The following UGT1A6 variants were observed in gnomAD, a reference collection of about 807,000 sequenced individuals.
The protein encoded by UGT1A6 is UDP-glucuronosyltransferase 1A6.
A neutral mutation model predicts 44.4 loss-of-function variants in UGT1A6; 32 were observed. The ratio of observed to expected loss-of-function variants is 0.72; its 90% confidence interval spans 0.54 to 0.97. The LOEUF (loss-of-function observed/expected upper bound fraction) is 0.97. Ranked by LOEUF, UGT1A6 falls within the 50% of genes least tolerant of loss-of-function variation. UGT1A6 has a pLI of 0.00. For missense variants in UGT1A6, 685 were observed against 661.9 expected (o/e 1.03, Z -0.38); for synonymous variants, 238 against 248.5 (o/e 0.96, Z 0.40).
At chr2:233,724,972 G>A (rs897028674) in intron 1 of UGT1A6, among the ~76,000 whole-genome samples, 4 of 135,404 alleles carry the variant, frequency 3.0e-5, no homozygotes, top group South Asian at 2.5e-4. Context: ...CGAGGTTGGC[G>A]GATCACTCGC....
At chr2:233,753,907 C>G (rs1487385981) in intron 1 of UGT1A6, among the ~76,000 whole-genome samples, 1 of 152,188 alleles carries the variant, frequency 6.6e-6, no homozygotes, top group South Asian at 2.1e-4. Context: ...GCTTCTTACA[C>G]CGATTTCAGC....
chr2:233,745,888 G>A (rs1423875334), intron 1 of UGT1A6, among the ~76,000 whole-genome samples: 1 of 151,512 alleles, frequency 6.6e-6, no homozygotes, highest in African/African-American at 2.4e-5. Flanking sequence ...TGTTGGTGGG[G>A]TGGCGTTTTT....
In UGT1A6 at chr2:233,693,531, G is replaced by C; in HGVS notation, c.527G>C (p.Cys176Ser). The C allele has an allele frequency of 6.2e-7, 1 of 1,614,154 alleles. No individual in the cohort carries two copies. Among genetic ancestry groups the C allele is most frequent in the Admixed American group, 1.7e-5 (1 of 60,020 alleles). Residue 176 changes from cysteine to serine, a missense_variant, in exon 1 of 5, where the codon TGT (cysteine) becomes TCT (serine). Cys to Ser is a moderately radical substitution (Grantham distance 112, BLOSUM62 -1). Transcript: ENST00000305139. ...GTGTACCTCTTCAGGGGTTTTCCGTGTTCCCTGGAGCATACATTCAGCAGA... is the reference window on the plus strand; with the variant it reads ...GTGTACCTCTTCAGGGGTTTTCCGTCTTCCCTGGAGCATACATTCAGCAGA... The part of the protein sequence containing the change: ...PSVYLFRGFP[C>S]SLEHTFSRSP...
chr2:233,756,609 A>G (rs1242342387), intron 1 of UGT1A6, among the ~76,000 whole-genome samples: 4 of 152,200 alleles, frequency 2.6e-5, no homozygotes, highest in Admixed American at 2.0e-4. Flanking sequence ...CGAAACCATT[A>G]AGACTTGCAG....
chr2:233,693,908 G>A (rs1417524727), intron 1 of UGT1A6, 43 bp downstream of exon 1: 7 of 1,612,836 alleles, frequency 4.3e-6, no homozygotes, highest in Middle Eastern at 1.7e-4. Flanking sequence ...TTTCTTCCAG[G>A]CTCTGTCCTC....
At chr2:233,710,606 T>C (rs2076139270) in intron 1 of UGT1A6, among the ~76,000 whole-genome samples, 1 of 152,202 alleles carries the variant, frequency 6.6e-6, no homozygotes, top group African/African-American at 2.4e-5. Flanking sequence ...ATTGGTTTGT[T>C]TGTCTTCTTA....
chr2:233,755,081 A>G (rs749990272), intron 1 of UGT1A6: 10 of 1,336,302 alleles, frequency 7.5e-6, no homozygotes, highest in Non-Finnish European at 6.0e-6. Flanking sequence ...GGTCATAGAT[A>G]TCGCGTTTCT....
intron 4 of UGT1A6, chr2:233,770,370 C>T (rs1700066139): frequency 6.6e-6 from 1 of 152,126 alleles, no homozygotes; most frequent in African/African-American, 2.4e-5. Flanking sequence ...AATGAAAGTT[C>T]TGGCCAGGTA....
chr2:233,766,838 C>T (rs906628829), intron 1 of UGT1A6, among the ~76,000 whole-genome samples, 196 bp from the exon 2 acceptor site: 1 of 152,156 alleles, frequency 6.6e-6, no homozygotes, highest in Non-Finnish European at 1.5e-5. Flanking sequence ...TAAGCAGGAA[C>T]CCTTCCTCCT....
At chr2:233,729,649 A>T (rs61764031) in intron 1 of UGT1A6, 1,345 of 1,613,864 alleles carry the variant, frequency 8.3e-4, no homozygotes, top group Non-Finnish European at 1.1e-3. Context: ...TTTTTTGAGG[A>T]ACATTCCATG....
chr2:233,731,684 T>C (rs2078191188), intron 1 of UGT1A6, among the ~76,000 whole-genome samples: 1 of 152,270 alleles, frequency 6.6e-6, no homozygotes, highest in Non-Finnish European at 1.5e-5. Flanking sequence ...CAGTCTATCA[T>C]TGATGGACAT....
chr2:233,747,267 C>T (rs1178293466), intron 1 of UGT1A6: 115 of 1,599,414 alleles, frequency 7.2e-5, no homozygotes, highest in Non-Finnish European at 9.0e-5. Flanking sequence ...GAGTGCTACT[C>T]CTTCTCAGTG....
chr2:233,713,607 A>T (rs1428471201), intron 1 of UGT1A6: 6 of 1,613,982 alleles, frequency 3.7e-6, no homozygotes. Flanking sequence ...AGACCACATG[A>T]CATTCCTGCA....
chr2:233,722,534 T>C (rs2077021206), intron 1 of UGT1A6, among the ~76,000 whole-genome samples: 1 of 152,230 alleles, frequency 6.6e-6, no homozygotes, highest in Admixed American at 6.5e-5. Context: ...CTTAATGATT[T>C]CATCCTAGTT....
intron 1 of UGT1A6, among the ~76,000 whole-genome samples, chr2:233,738,662 G>C (rs958812061): frequency 3.9e-5 from 6 of 152,136 alleles, no homozygotes; most frequent in African/African-American, 7.2e-5. Context: ...CTACGAACTT[G>C]AGAGAGATGA....
chr2:233,755,338 G>C (rs569505432), intron 1 of UGT1A6: 1 of 431,822 alleles, frequency 2.3e-6, no homozygotes, highest in East Asian at 7.3e-5. Flanking sequence ...CCCGCGCACA[G>C]GTCAGAGGCT....
intron 1 of UGT1A6, among the ~76,000 whole-genome samples, chr2:233,728,589 C>T (rs2077730663): frequency 1.3e-5 from 2 of 152,316 alleles, no homozygotes; most frequent in South Asian, 2.1e-4. Context: ...ACGACCAAAA[C>T]CACATAGCCA....
In UGT1A6 at chr2:233,772,261, G is replaced by A. The variant is rs1212085876; in HGVS notation, c.1302-1G>A. On this transcript the variant is annotated splice_acceptor_variant, in intron 4 of 4. Coordinates refer to ENST00000305139, the MANE Select transcript of UGT1A6 (RefSeq NM_001072.4). LOFTEE classifies it high-confidence loss of function. ...CATAACGAAACTGTCTTTGTGTTTA[G>A]TTACAAGGAGAACATCATGCGCCTC... The A allele has an allele frequency of 1.9e-5, 30 of 1,614,162 alleles. No homozygotes were observed. Among genetic ancestry groups the A allele is most frequent in the Non-Finnish European group, 2.5e-5 (30 of 1,180,064 alleles).
At chr2:233,697,144 G>T (rs2075378221) in intron 1 of UGT1A6, among the ~76,000 whole-genome samples, 1 of 152,058 alleles carries the variant, frequency 6.6e-6, no homozygotes. Flanking sequence ...AATAGTTTGA[G>T]TGGAACTGGT....
Sources: allele counts gnomAD v4.1 joint callset (sites outside exome capture counted in the v4.1 genomes callset), GRCh38; gene constraint gnomAD v4.1.1; transcripts MANE v1.5; gene names NCBI Gene and HGNC (gene_info 2026-07-23, HGNC 2026-07-21).